FHL2: variants seen among roughly 807,000 people sequenced by gnomAD.
FHL2 encodes four and a half LIM domains protein 2.
A neutral mutation model predicts 32.7 loss-of-function variants in FHL2; 20 were observed. The observed-to-expected ratio is 0.61, with a 90% CI of 0.43 to 0.89. The LOEUF is 0.89. FHL2 is among the 40% of genes least tolerant of loss of function. The probability of loss-of-function intolerance (pLI) is 0.00; values close to 1 mark genes in which losing one functional copy is unlikely to be tolerated. For missense variants in FHL2, 311 were observed against 358.6 expected, an observed-to-expected ratio of 0.87 and a Z score of 1.07; for synonymous variants, 123 against 128.1, an observed-to-expected ratio of 0.96 and a Z score of 0.27.
intron 1 of FHL2, among the ~76,000 whole-genome samples, chr2:105,435,311 C>G (rs1007171949): frequency 6.6e-6 from 1 of 151,958 alleles, no homozygotes; most frequent in Non-Finnish European, 1.5e-5. Flanking sequence ...TTCATATAAC[C>G]CATTGTGCCT....
chr2:105,420,695 G>T (rs78713598), intron 1 of FHL2, among the ~76,000 whole-genome samples: 4,524 of 152,180 alleles, frequency 0.03, 129 homozygotes, highest in African/African-American at 0.066. Context: ...ATTGGGAGGT[G>T]GGGGGCAGAG....
chr2:105,437,859 A>G (rs149264261), intron 1 of FHL2, among the ~76,000 whole-genome samples: 1 of 152,270 alleles, frequency 6.6e-6, no homozygotes, highest in African/African-American at 2.4e-5. Flanking sequence ...TGGGCTTTCA[A>G]ACCATCAGCT....
In FHL2 at chr2:105,419,236, G is replaced by A. The variant is rs546694817; in HGVS notation, c.-25+19163C>T. Among the ~76,000 whole-genome samples, 423 of 152,102 alleles carry A rather than the reference G, an allele frequency of 2.8e-3. 3 individuals carry two copies. Among genetic ancestry groups the A allele is most frequent in the African/African-American group, 9.8e-3 (408 of 41,486 alleles). ...ATTTTTTTATTTTCATAGGTTTTTC[G>A]GAACTGGTGGTGTTTGGTTACGTAA... On this transcript the variant is annotated intron_variant, in intron 1 of 5. Coordinates refer to the FHL2 transcript ENST00000393352.
chr2:105,430,273 G>A (rs1684389387), intron 1 of FHL2, among the ~76,000 whole-genome samples: 1 of 152,172 alleles, frequency 6.6e-6, no homozygotes, highest in South Asian at 2.1e-4. Flanking sequence ...AAAGGCCTCT[G>A]AAGCAAAGTC....
At chr2:105,437,514 A>G (rs1684650363) in intron 1 of FHL2, among the ~76,000 whole-genome samples, 1 of 152,258 alleles carries the variant, frequency 6.6e-6, no homozygotes, top group Non-Finnish European at 1.5e-5. Flanking sequence ...TAGTAAACTT[A>G]CATATAGCAA....
intron 4 of FHL2, among the ~76,000 whole-genome samples, chr2:105,369,233 A>G (rs1680852083): frequency 6.6e-6 from 1 of 152,206 alleles, no homozygotes; most frequent in South Asian, 2.1e-4. Flanking sequence ...CCCGCTCCAG[A>G]CCAGGTGGAA....
At chr2:105,387,933 G>C (rs1311748222) in intron 2 of FHL2, among the ~76,000 whole-genome samples, 1 of 152,162 alleles carries the variant, frequency 6.6e-6, no homozygotes. Flanking sequence ...CCACAAAAAA[G>C]AATGAGATCA....
chr2:105,370,663 A>G (rs116487126), intron 4 of FHL2, among the ~76,000 whole-genome samples: 1 of 152,322 alleles, frequency 6.6e-6, no homozygotes, highest in Non-Finnish European at 1.5e-5. Context: ...CTGTAAACCC[A>G]TATTCATCTT....
At chr2:105,392,965 G>A (rs370159343) in intron 2 of FHL2, among the ~76,000 whole-genome samples, 7 of 151,408 alleles carry the variant, frequency 4.6e-5, no homozygotes, top group East Asian at 3.9e-4. Context: ...TATTACAGGC[G>A]TGCATCACCG....
At chr2:105,363,577 AGTTT>A in intron 5 of FHL2, 106 bp from the exon 6 acceptor site, 1 of 1,048,340 alleles carries the variant, frequency 9.5e-7, no homozygotes, top group South Asian at 1.7e-5. Flanking sequence ...AGAAACGTCC[AGTTT>A]GTTAAGTCAC....
rs35719774 is a variant in FHL2, at chr2:105,392,986, A to AT, written c.-25+3660dup. 1.8e-3 allele frequency among the ~76,000 whole-genome samples: 262 copies of AT among 141,884 alleles called. 1 individual carries two copies. The highest frequency in any genetic ancestry group is 5.4e-3 in the East Asian group (26 of 4,846). The allele number at this position is 141,884 out of a possible 152,430, so 93.1% of individuals were successfully genotyped here. On this transcript the variant is annotated intron_variant, in intron 2 of 6. Transcript: ENST00000530340. ...AGGCGTGCATCACCGCACCCAGCTA[A>AT]TTTTTTTTTTTTTTTTAACCAGAAA... is the stretch of plus-strand genomic sequence containing the variant.
chr2:105,398,815 G>A (rs184175958), intron 1 of FHL2, 27 bp downstream of exon 1: 50 of 1,396,406 alleles, frequency 3.6e-5, no homozygotes, highest in Non-Finnish European at 4.4e-5. Context: ...TGGTCTTCCC[G>A]GACCCACAGC....
At chr2:105,376,342 A>T (rs1025538592) in intron 3 of FHL2, 5 of 151,996 alleles carry the variant, frequency 3.3e-5, no homozygotes, top group Admixed American at 6.6e-5. Flanking sequence ...CCTTGAGGAG[A>T]TGTGTGTGTG....
At chr2:105,422,312 T>A (rs921816782) in intron 1 of FHL2, among the ~76,000 whole-genome samples, 16 of 152,146 alleles carry the variant, frequency 1.1e-4, no homozygotes, top group African/African-American at 3.9e-4. Context: ...CATTCTCAAG[T>A]TGGTGGCAAG....
chr2:105,407,927 C>G (rs1683686238), intron 1 of FHL2, among the ~76,000 whole-genome samples: 1 of 152,192 alleles, frequency 6.6e-6, no homozygotes, highest in African/African-American at 2.4e-5. Flanking sequence ...CTGGGGAATT[C>G]ATGGCTTTAG....
At chr2:105,419,429 C>G (rs1019420677) in intron 1 of FHL2, among the ~76,000 whole-genome samples, 2 of 152,126 alleles carry the variant, frequency 1.3e-5, no homozygotes, top group Non-Finnish European at 2.9e-5. Flanking sequence ...GAGGTGAAGG[C>G]AATTAAGAAG....
chr2:105,427,997 C>T (rs1407901173), intron 1 of FHL2, among the ~76,000 whole-genome samples: 3 of 152,244 alleles, frequency 2.0e-5, no homozygotes, highest in Non-Finnish European at 2.9e-5. Flanking sequence ...CAAAAACACA[C>T]AGCCCATGTA....
At chr2:105,359,016 C>T (rs929852718), downstream of FHL2, 10 of 152,112 alleles carry the variant, frequency 6.6e-5, no homozygotes, top group African/African-American at 2.4e-4. Context: ...GATAAAAGGC[C>T]GAAACAGGAA....
rs535395461 is a variant in FHL2, at chr2:105,425,109, C to T, written c.-25+13290G>A. Among the ~76,000 whole-genome samples, 38 of 152,188 alleles carry T rather than the reference C, an allele frequency of 2.5e-4. No homozygotes were observed. The East Asian group carries it at 6.9e-3, about 28-fold the overall frequency. ...TAAGAGACTCCATTTTGAAAAAGAC[C>T]TGTACTTTAAACAATTGCTTTGCTG... is the stretch of plus-strand genomic sequence containing the variant. On this transcript the variant is annotated intron_variant, in intron 1 of 5. Transcript: ENST00000393352.
Sources: allele counts gnomAD v4.1 joint callset (sites outside exome capture counted in the v4.1 genomes callset), GRCh38; gene constraint gnomAD v4.1.1; transcripts MANE v1.5; gene names NCBI Gene and HGNC (gene_info 2026-07-23, HGNC 2026-07-21).